XDH: variants seen among roughly 807,000 people sequenced by gnomAD.
The protein encoded by XDH is xanthine dehydrogenase, also known as xanthine dehydrogenase/oxidase.
Under a neutral mutation model 156.1 loss-of-function variants are expected in XDH, and 138 were observed. That is an observed-to-expected ratio of 0.88 (90% CI 0.77 to 1.02). The LOEUF (loss-of-function observed/expected upper bound fraction) is 1.02. Among genes scored for constraint, XDH ranks in the 50% least tolerant of loss-of-function variants. The pLI, the probability that XDH is intolerant of heterozygous loss-of-function variation, is 0.00. For missense variants in XDH, 1,849 were observed against 1,684.9 expected (o/e 1.10, Z -1.71); for synonymous variants, 669 against 625.7 (o/e 1.07, Z -1.03).
intron 11 of XDH, 115 bp from the exon 12 acceptor site, chr2:31,381,841 C>A: frequency 1.1e-6 from 1 of 899,252 alleles, no homozygotes. Context: ...CCCCTGAGGT[C>A]CTGTGCCTAC....
chr2:31,412,301 C>T (rs949068174), intron 1 of XDH, among the ~76,000 whole-genome samples: 3 of 152,190 alleles, frequency 2.0e-5, no homozygotes, highest in South Asian at 2.1e-4. Context: ...CTTCTTGCAT[C>T]GAACACCTTC....
Position 31,370,548 on chromosome 2 carries a change from A to G in XDH, c.1857-70T>C. ...CAGGGGACCCATCACCTGGTTGGAC[A>G]ACCCTGTTCTTATTTTGATTGGCTT... On this transcript the variant is annotated intron_variant, in intron 17 of 35. Transcript: ENST00000379416. The G allele has an allele frequency of 4.4e-6, 7 of 1,596,614 alleles. No homozygotes were observed. The South Asian group carries it at 5.6e-5, about 13-fold the overall frequency.
intron 26 of XDH, among the ~76,000 whole-genome samples, chr2:31,349,277 CTG>C (rs1309163645): frequency 6.6e-6 from 1 of 152,176 alleles, no homozygotes; most frequent in East Asian, 1.9e-4. Context: ...CTGAGTAACT[CTG>C]TGAGGAAGAC....
rs1391603072 is a variant in XDH, at chr2:31,366,053, CT to C, written c.2378del (p.Lys793ArgfsTer43). On this transcript the variant is annotated frameshift_variant, in exon 22 of 36. Transcript: ENST00000379416. LOFTEE classifies it high-confidence loss of function. The stretch of plus-strand genomic sequence containing the variant: ...TGCCTCCAAAGCCTCCTCCCATTCT[CT>C]TCACTCGAACCACAATCCGGTTTGC... Reference protein sequence around the residue: ...VPANRIVVRVKRMGGGFGGKE... With the variant: ...VPANRIVVRVXRMGGGFGGKE... 2.0e-5 allele frequency: 32 copies of C among 1,614,084 alleles called. No individual in the cohort carries two copies. Among genetic ancestry groups the C allele is most frequent in the Non-Finnish European group, 2.5e-5 (29 of 1,180,030 alleles).
At chr2:31,404,664 T>C (rs1024640678) in intron 2 of XDH, among the ~76,000 whole-genome samples, 1 of 152,224 alleles carries the variant, frequency 6.6e-6, no homozygotes, top group Non-Finnish European at 1.5e-5. Context: ...AATGAGCTTC[T>C]CTTCCCAGAC....
At chr2:31,405,647 G>A (rs1298692461) in intron 2 of XDH, among the ~76,000 whole-genome samples, 1 of 152,134 alleles carries the variant, frequency 6.6e-6, no homozygotes, top group Non-Finnish European at 1.5e-5. Flanking sequence ...CTTTCTACAG[G>A]CCCTGGATTA....
intron 24 of XDH, among the ~76,000 whole-genome samples, chr2:31,359,032 C>G (rs1464397578): frequency 6.6e-6 from 1 of 151,962 alleles, no homozygotes; most frequent in East Asian, 1.9e-4. Context: ...AGAAGAAATC[C>G]TAGAACTCAT....
At position 31,401,201 on chromosome 2, in the gene XDH, C is replaced by T; in HGVS notation, c.306+19G>A. Reference sequence around the variant, plus strand: ...AAAGAGCCTGATCTCAAGAGCACAGCTCCCTTTCCTCTGTTTACCTGCACA... The same window carrying T: ...AAAGAGCCTGATCTCAAGAGCACAGTTCCCTTTCCTCTGTTTACCTGCACA... On this transcript the variant is annotated intron_variant, in intron 4 of 35. Coordinates refer to ENST00000379416, the MANE Select transcript of XDH (RefSeq NM_000379.4). 1 of 1,612,988 alleles carries T rather than the reference C, an allele frequency of 6.2e-7. No individual in the cohort carries two copies. The highest frequency in any genetic ancestry group is 8.5e-7 in the Non-Finnish European group (1 of 1,179,264).
chr2:31,343,692 CATAT>C (rs919095798), intron 31 of XDH, among the ~76,000 whole-genome samples: 2 of 145,800 alleles, frequency 1.4e-5, no homozygotes, highest in African/African-American at 2.5e-5. Context: ...ATGTATAAGG[CATAT>C]ATATTCAGTG....
intron 16 of XDH, 139 bp from the exon 17 acceptor site, chr2:31,372,536 G>A (rs1686105668): frequency 2.6e-6 from 3 of 1,136,258 alleles, no homozygotes; most frequent in South Asian, 1.4e-5. Context: ...GGGGCGTGGG[G>A]CAAAGGGAAC....
intron 34 of XDH, among the ~76,000 whole-genome samples, chr2:31,338,496 G>T (rs919235320): frequency 2.0e-5 from 3 of 152,054 alleles, no homozygotes; most frequent in African/African-American, 7.2e-5. Flanking sequence ...GACAGTCAAT[G>T]GCAAGGGTCA....
intron 2 of XDH, among the ~76,000 whole-genome samples, chr2:31,403,355 A>T (rs998918358): frequency 6.6e-6 from 1 of 152,184 alleles, no homozygotes; most frequent in Non-Finnish European, 1.5e-5. Context: ...TCTCCACTGC[A>T]CAGAAGAGCA....
chr2:31,348,357 C>T lies in XDH; in HGVS notation c.3058G>A (p.Ala1020Thr). The T allele has an allele frequency of 1.9e-6, 3 of 1,614,152 alleles. No individual in the cohort carries two copies. The highest frequency in any genetic ancestry group is 2.5e-6 in the Non-Finnish European group (3 of 1,180,004). Residue 1020 changes from alanine to threonine, a missense_variant, in exon 28 of 36, where the codon GCC becomes ACC. By Grantham distance (58) the Ala-to-Thr change is moderately conservative. Transcript: ENST00000379416. ...CCATCTGTGTACACATGAAGTAGGG[C>T]TCCTGCCTAGGGAAAGAGAAGGATG... ...FTVPFLNQAG[A>T]LLHVYTDGSV...
At chr2:31,402,290 T>G (rs1236153958) in intron 3 of XDH, among the ~76,000 whole-genome samples, 1 of 152,262 alleles carries the variant, frequency 6.6e-6, no homozygotes, top group Non-Finnish European at 1.5e-5. Context: ...ATAATTTCTT[T>G]GCTTTTTGCC....
In XDH at chr2:31,347,610, T is replaced by C. The variant is rs767486175; in HGVS notation, c.3188A>G (p.Tyr1063Cys). The stretch of plus-strand genomic sequence containing the variant: ...AGTGTTAGTGCTTGTCTCGCTGATA[T>C]AAATCTTAGAGGTGGGGATTTTCAG... Reference protein sequence around the residue: ...RALKIPTSKIYISETSTNTVP... With the variant: ...RALKIPTSKICISETSTNTVP... The change falls in exon 29 of 36, where the codon TAT (tyrosine) becomes TGT (cysteine). Residue 1063 changes from tyrosine (Y) to cysteine (C), a missense_variant. Transcript: ENST00000379416. The C allele has an allele frequency of 4.3e-6, 7 of 1,614,054 alleles. No homozygotes were observed. The highest frequency in any genetic ancestry group is 2.5e-6 in the Non-Finnish European group (3 of 1,180,044).
chr2:31,365,367 G>T, intron 23 of XDH, 90 bp downstream of exon 23: 1 of 1,363,508 alleles, frequency 7.3e-7, no homozygotes, highest in South Asian at 1.2e-5. Context: ...GCAAAAAGTA[G>T]GAGTGCAGCT....
intron 1 of XDH, among the ~76,000 whole-genome samples, chr2:31,413,874 CCTCT>C (rs985968749): frequency 6.6e-6 from 1 of 151,996 alleles, no homozygotes; most frequent in African/African-American, 2.4e-5. Context: ...ATGCTTGCCC[CCTCT>C]CTCTCTGCAC....
At chr2:31,345,300 T>A (rs1464850032) in intron 30 of XDH, among the ~76,000 whole-genome samples, 1 of 152,182 alleles carries the variant, frequency 6.6e-6, no homozygotes, top group Non-Finnish European at 1.5e-5. Flanking sequence ...TAACTGGCCA[T>A]TATAAAAGCA....
Position 31,349,063 on chromosome 2 carries a change from G to A in XDH, c.2970-83C>T, listed in dbSNP as rs45583038. The A allele has an allele frequency of 4.8e-4, 649 of 1,365,508 alleles. 1 individual carries two copies. The African/African-American group carries it at 8.5e-3, about 18-fold the overall frequency. 84.6% of individuals were successfully genotyped at this position (1,365,508 alleles called of 1,614,324 possible). A position where few individuals can be genotyped will look rare whatever the true frequency, so the allele number is the denominator to read the frequency against. ...TCTTTGGATGTTCACATCAAAACAG[G>A]ACATCCTTGGGGTTGCCCACAAAGA... On this transcript the variant is annotated intron_variant, in intron 26 of 35. Coordinates refer to ENST00000379416, the MANE Select transcript of XDH (RefSeq NM_000379.4).
Sources: gnomAD v4.1 joint callset for allele counts (sites outside exome capture counted in the v4.1 genomes callset) on GRCh38, gnomAD v4.1.1 for gene constraint, MANE v1.5 for transcripts, NCBI Gene and HGNC (gene_info 2026-07-23, HGNC 2026-07-21) for gene names.